FANCL: variants seen among roughly 807,000 people sequenced by gnomAD.
The protein encoded by FANCL is E3 ubiquitin-protein ligase FANCL.
FANCL carries 69 observed loss-of-function variants against 59.4 expected under a neutral mutation model. The ratio of observed to expected loss-of-function variants is 1.16; its 90% CI spans 0.96 to 1.42. The LOEUF is 1.42. FANCL is among the 40% of genes most tolerant of loss of function. The probability of loss-of-function intolerance (pLI) is 0.00; values close to 1 mark genes in which losing one functional copy is unlikely to be tolerated. For synonymous variants in FANCL, 180 were observed against 147.1 expected, an observed-to-expected ratio of 1.22 and a Z score of -1.62; for missense variants, 519 against 447.2, an observed-to-expected ratio of 1.16 and a Z score of -1.45.
chr2:58,171,901 C>T (rs1686669217), intron 7 of FANCL, among the ~76,000 whole-genome samples: 1 of 152,196 alleles, frequency 6.6e-6, no homozygotes, highest in Non-Finnish European at 1.5e-5. Context: ...TCACTCCCAC[C>T]CCAATACTGC....
chr2:58,176,851 A>G (rs1687376188), intron 7 of FANCL, among the ~76,000 whole-genome samples: 1 of 152,140 alleles, frequency 6.6e-6, no homozygotes, highest in African/African-American at 2.4e-5. Context: ...GCAACCTACA[A>G]AATGGGAGAA....
chr2:58,216,530 G>C (rs993974604), intron 5 of FANCL, among the ~76,000 whole-genome samples: 16 of 152,038 alleles, frequency 1.1e-4, no homozygotes, highest in African/African-American at 3.9e-4. Flanking sequence ...AGAAAGAATA[G>C]TTACCTTATT....
At chr2:58,236,172 C>G (rs187503529) in intron 1 of FANCL, among the ~76,000 whole-genome samples, 1 of 151,646 alleles carries the variant, frequency 6.6e-6, no homozygotes, top group Admixed American at 6.6e-5. Flanking sequence ...ATGAAAAAAG[C>G]TACACCAAGG....
intron 7 of FANCL, among the ~76,000 whole-genome samples, chr2:58,191,558 T>C (rs6741122): frequency 6.6e-6 from 1 of 151,906 alleles, no homozygotes; most frequent in Non-Finnish European, 1.5e-5. Context: ...AGATTGACCA[T>C]GATTTTTCAT....
At chr2:58,204,279 G>T in intron 5 of FANCL, 53 bp from the exon 6 acceptor site, 1 of 1,261,244 alleles carries the variant, frequency 7.9e-7, no homozygotes, top group Non-Finnish European at 1.2e-6. Context: ...GCTGGAGAGG[G>T]GAACTGGAGA....
chr2:58,182,303 A>C (rs1688010321), intron 7 of FANCL, among the ~76,000 whole-genome samples: 1 of 151,772 alleles, frequency 6.6e-6, no homozygotes, highest in Non-Finnish European at 1.5e-5. Context: ...TTATACTGGG[A>C]CTTTTAAAAG....
intron 7 of FANCL, chr2:58,194,401 T>C (rs1689233924): frequency 2.3e-6 from 1 of 426,246 alleles, no homozygotes; most frequent in Non-Finnish European, 4.8e-6. Flanking sequence ...TTCTAAAGCA[T>C]TAAGGATATA....
chr2:58,207,588 G>T (rs72948861), intron 5 of FANCL, among the ~76,000 whole-genome samples: 2,991 of 152,202 alleles, frequency 0.02, 113 homozygotes, highest in African/African-American at 0.069. Context: ...TTCAACTACT[G>T]AGGATTTACA....
chr2:58,188,301 T>C (rs960391091), intron 7 of FANCL, among the ~76,000 whole-genome samples: 1 of 152,206 alleles, frequency 6.6e-6, no homozygotes, highest in Non-Finnish European at 1.5e-5. Flanking sequence ...CTGAAAAAAG[T>C]AGATTTTTAA....
At chr2:58,196,840 A>G (rs1689475513) in intron 7 of FANCL, among the ~76,000 whole-genome samples, 1 of 151,934 alleles carries the variant, frequency 6.6e-6, no homozygotes, top group Admixed American at 6.6e-5. Flanking sequence ...TAATTTAGAA[A>G]TAACACCTGG....
rs1172030620 is a variant in FANCL, at chr2:58,217,201, TATATATATATATATACACACACACACAC to T, written c.374+4713_374+4740del. On this transcript the variant is annotated intron_variant, in intron 5 of 13. Transcript: ENST00000233741. ...ATATATATATATATATATATATATA[TATATATATATATATACACACACACACAC>T]ACACACACACACACATATATATGTT... 3.8e-3 allele frequency among the ~76,000 whole-genome samples: 47 copies of T among 12,302 alleles called. 2 individuals are homozygous for T. The highest frequency in any genetic ancestry group is 7.6e-3 in the African/African-American group (44 of 5,778). The allele number at this position is 12,302 out of a possible 152,430, so 8.1% of individuals were successfully genotyped here. A position where few individuals can be genotyped will look rare whatever the true frequency, so the allele number is the denominator to read the frequency against.
chr2:58,191,779 T>C (rs989225541), intron 7 of FANCL, among the ~76,000 whole-genome samples: 4 of 151,598 alleles, frequency 2.6e-5, no homozygotes, highest in South Asian at 2.1e-4. Context: ...TCTCACTATA[T>C]TAAGAGTTCA....
intron 5 of FANCL, among the ~76,000 whole-genome samples, chr2:58,217,358 C>T (rs1011470044): frequency 6.6e-6 from 1 of 150,494 alleles, no homozygotes; most frequent in East Asian, 1.9e-4. Context: ...TGTGCTCCCT[C>T]TGGAGGCTCT....
chr2:58,235,368 C>T (rs542432682), intron 1 of FANCL, among the ~76,000 whole-genome samples: 4 of 152,180 alleles, frequency 2.6e-5, no homozygotes, highest in East Asian at 1.9e-4. Flanking sequence ...AGAGTGGAAA[C>T]CTTGCAATGT....
intron 8 of FANCL, among the ~76,000 whole-genome samples, chr2:58,165,183 TTTATGA>T: frequency 1.3e-5 from 2 of 152,276 alleles, no homozygotes; most frequent in South Asian, 4.1e-4. Context: ...TGCACAGGTA[TTTATGA>T]TTATACCATA....
At position 58,161,655 on chromosome 2, in the gene FANCL, T is replaced by C; in HGVS notation, c.904-17A>G. ...AGTAAAATCCTTCAAAAGAAAAATA[T>C]TTATAAAAAGCGTATGTGTCTCACT... is the stretch of plus-strand genomic sequence containing the variant. On this transcript the variant is annotated splice_polypyrimidine_tract_variant and intron_variant, in intron 11 of 13. Coordinates refer to ENST00000233741, the MANE Select transcript of FANCL (RefSeq NM_018062.4). 1 of 1,548,568 alleles carries C rather than the reference T, an allele frequency of 6.5e-7. No homozygotes were observed. The highest frequency in any genetic ancestry group is 8.9e-7 in the Non-Finnish European group (1 of 1,121,592).
intron 8 of FANCL, 60 bp from the exon 9 acceptor site, chr2:58,163,577 A>C: frequency 9.6e-7 from 1 of 1,043,636 alleles, no homozygotes; most frequent in Non-Finnish European, 1.5e-6. Flanking sequence ...CAACCCAATA[A>C]AAAATAAAGA....
chr2:58,217,515 A>G (rs1386411988), intron 5 of FANCL, among the ~76,000 whole-genome samples: 1 of 151,884 alleles, frequency 6.6e-6, no homozygotes, highest in African/African-American at 2.4e-5. Context: ...AATGGTAAAG[A>G]GCAGTTTTTA....
intron 5 of FANCL, among the ~76,000 whole-genome samples, chr2:58,205,063 T>C (rs1690452784): frequency 6.6e-6 from 1 of 152,082 alleles, no homozygotes; most frequent in Non-Finnish European, 1.5e-5. Context: ...TATTCTCTTA[T>C]AAAGATAAAA....
Sources: allele counts gnomAD v4.1 joint callset (sites outside exome capture counted in the v4.1 genomes callset), GRCh38; gene constraint gnomAD v4.1.1; transcripts MANE v1.5; gene names NCBI Gene and HGNC (gene_info 2026-07-23, HGNC 2026-07-21).